The following OLFML1 variants were observed in gnomAD, a reference collection of about 807,000 sequenced individuals.
OLFML1 encodes the protein olfactomedin-like protein 1.
OLFML1 carries 33 observed loss-of-function variants against 37.3 expected under a neutral mutation model. The observed-to-expected ratio is 0.88, with a 90% CI of 0.67 to 1.18. The LOEUF (loss-of-function observed/expected upper bound fraction) is 1.18, where lower values mean the gene tolerates loss of function less well. Among genes scored for constraint, OLFML1 ranks in the 50% most tolerant of loss-of-function variants. The probability of loss-of-function intolerance (pLI) is 0.00; values close to 1 mark genes in which losing one functional copy is unlikely to be tolerated. For synonymous variants in OLFML1, 186 were observed against 181.3 expected, an observed-to-expected ratio of 1.03 and a Z score of -0.21; for missense variants, 545 against 483.7, an observed-to-expected ratio of 1.13 and a Z score of -1.19.
At chr11:7,486,324 C>T (rs1848523198) in intron 1 of OLFML1, among the ~76,000 whole-genome samples, 1 of 152,166 alleles carries the variant, frequency 6.6e-6, no homozygotes, top group Non-Finnish European at 1.5e-5. Context: ...TACTGCCTGG[C>T]ATAATGGTAT....
At chr11:7,505,792 C>T (rs1356395847) in intron 2 of OLFML1, among the ~76,000 whole-genome samples, 4 of 152,130 alleles carry the variant, frequency 2.6e-5, no homozygotes, top group African/African-American at 9.7e-5. Context: ...GATCATGCCA[C>T]TGCACTCTAG....
At chr11:7,504,302 C>T (rs533962691) in intron 2 of OLFML1, among the ~76,000 whole-genome samples, 15 of 152,058 alleles carry the variant, frequency 9.9e-5, no homozygotes, top group East Asian at 5.8e-4. Flanking sequence ...TAGAACAAAA[C>T]GAACAAGGTG....
Position 7,509,885 on chromosome 11 carries a change from G to T in OLFML1, c.906G>T (p.Leu302=). 6.2e-7 allele frequency: 1 copy of T among 1,614,236 alleles called. No homozygotes were observed. The highest frequency in any genetic ancestry group is 8.5e-7 in the Non-Finnish European group (1 of 1,180,046). The change falls in exon 3 of 3, where the codon CTG becomes CTT. Residue 302 remains leucine (L), a synonymous_variant. Coordinates refer to ENST00000329293, the MANE Select transcript of OLFML1 (RefSeq NM_198474.4). The part of the protein sequence containing the change: ...LVLTKIEPGT[L]GVEHSWDTPC... The stretch of plus-strand genomic sequence containing the variant: ...TCACAAAGATTGAGCCGGGCACACT[G>T]GGAGTGGAGCATTCATGGGATACCC...
At chr11:7,493,271 T>C (rs1051338567) in intron 2 of OLFML1, among the ~76,000 whole-genome samples, 3 of 152,236 alleles carry the variant, frequency 2.0e-5, no homozygotes, top group African/African-American at 4.8e-5. Context: ...TTGAAGCCTC[T>C]GGGATCTGTC....
At chr11:7,492,872 A>AAAT (rs1330898799) in intron 2 of OLFML1, among the ~76,000 whole-genome samples, 1 of 152,188 alleles carries the variant, frequency 6.6e-6, no homozygotes, top group African/African-American at 2.4e-5. Flanking sequence ...ACTATTATTA[A>AAAT]AATAAAATTT....
intron 2 of OLFML1, among the ~76,000 whole-genome samples, chr11:7,493,112 G>A (rs1848619242): frequency 1.3e-5 from 2 of 152,192 alleles, no homozygotes. Context: ...CATTATAGCA[G>A]ATTTTATTTT....
At chr11:7,486,099 C>A in intron 1 of OLFML1, 95 bp downstream of exon 1, 1 of 1,255,342 alleles carries the variant, frequency 8.0e-7, no homozygotes, top group Non-Finnish European at 1.1e-6. Context: ...TGTATTTTTC[C>A]CAGATAGCAA....
chr11:7,492,366 C>G (rs1401715121), intron 2 of OLFML1, among the ~76,000 whole-genome samples: 4 of 152,168 alleles, frequency 2.6e-5, no homozygotes, highest in Non-Finnish European at 5.9e-5. Context: ...TGCCAGAGGT[C>G]AGATCAGAGG....
Position 7,486,003 on chromosome 11 carries a change from A to AG in OLFML1, c.129+1dup. 6.2e-7 allele frequency: 1 copy of AG among 1,613,834 alleles called. No homozygotes were observed. The highest frequency in any genetic ancestry group is 8.5e-7 in the Non-Finnish European group (1 of 1,179,802). On this transcript the variant is annotated frameshift_variant and splice_region_variant, in exon 1 of 3. Coordinates refer to ENST00000329293, the MANE Select transcript of OLFML1 (RefSeq NM_198474.4). LOFTEE classifies it high-confidence loss of function. ...ATCTACCAGCGCTTTCGAGTCTTGG[A>AG]GGTAGGTGGCATCTGTACACCTTGG... is the stretch of plus-strand genomic sequence containing the variant.
chr11:7,487,636 AAG>A (rs763402970), intron 1 of OLFML1, among the ~76,000 whole-genome samples: 9 of 152,200 alleles, frequency 5.9e-5, no homozygotes, highest in Non-Finnish European at 1.0e-4. Context: ...TGTAAATACA[AAG>A]GTTTTTTTTT....
At chr11:7,497,539 G>A (rs916315887) in intron 2 of OLFML1, among the ~76,000 whole-genome samples, 2 of 152,110 alleles carry the variant, frequency 1.3e-5, no homozygotes, top group African/African-American at 4.8e-5. Context: ...CCCCATCGTG[G>A]AGCCAGGCTG....
chr11:7,500,226 C>T (rs1321079278), intron 2 of OLFML1, among the ~76,000 whole-genome samples: 5 of 152,192 alleles, frequency 3.3e-5, no homozygotes, highest in African/African-American at 7.2e-5. Context: ...CATTTTCTTA[C>T]GGATGAGACA....
chr11:7,485,817 T>G lies in OLFML1; in HGVS notation c.-59T>G. On this transcript the variant is annotated 5_prime_UTR_variant, in exon 1 of 3. Coordinates refer to ENST00000329293, the MANE Select transcript of OLFML1 (RefSeq NM_198474.4). ...AGCAGGAGAGCACCACCGGAGCCCT[T>G]GAGACATCCTTGAGAAGAGCCACAG... is the stretch of plus-strand genomic sequence containing the variant. 6.3e-7 allele frequency: 1 copy of G among 1,579,286 alleles called. No homozygotes were observed. Among genetic ancestry groups the G allele is most frequent in the South Asian group, 1.1e-5 (1 of 87,358 alleles).
At chr11:7,498,956 C>A (rs1043466124) in intron 2 of OLFML1, among the ~76,000 whole-genome samples, 1 of 152,286 alleles carries the variant, frequency 6.6e-6, no homozygotes, top group Non-Finnish European at 1.5e-5. Flanking sequence ...TACCTGGTTT[C>A]CCTCTGTCCT....
At chr11:7,507,759 G>C (rs1848802587) in intron 2 of OLFML1, among the ~76,000 whole-genome samples, 1 of 152,128 alleles carries the variant, frequency 6.6e-6, no homozygotes, top group African/African-American at 2.4e-5. Context: ...ATGTTGGCTA[G>C]GATGGTCTCG....
chr11:7,485,663 A>T lies in OLFML1; in HGVS notation c.-213A>T. 1.8e-6 allele frequency: 1 copy of T among 559,774 alleles called. No individual in the cohort carries two copies. Among genetic ancestry groups the T allele is most frequent in the Non-Finnish European group, 3.2e-6 (1 of 313,970 alleles). 34.7% of individuals were successfully genotyped at this position (559,774 alleles called of 1,614,324 possible). On this transcript the variant is annotated 5_prime_UTR_variant, in exon 1 of 3. Transcript: ENST00000329293. ...TCAGTCTACAAGGCCTCAGGGACCA[A>T]CTTGCCAACAGCTGGACTTGATCAC...
intron 2 of OLFML1, among the ~76,000 whole-genome samples, chr11:7,501,942 C>T (rs977513475): frequency 1.4e-4 from 21 of 151,660 alleles, no homozygotes; most frequent in Admixed American, 3.9e-4. Context: ...AGCCTAGGAG[C>T]GGGAGAGAAG....
intron 2 of OLFML1, among the ~76,000 whole-genome samples, chr11:7,492,099 G>A (rs1848605531): frequency 6.6e-6 from 1 of 152,186 alleles, no homozygotes; most frequent in Admixed American, 6.5e-5. Context: ...GAATTACACT[G>A]GGCATGTACA....
chr11:7,496,311 C>G (rs1848661942), intron 2 of OLFML1, among the ~76,000 whole-genome samples: 1 of 152,244 alleles, frequency 6.6e-6, no homozygotes, highest in Non-Finnish European at 1.5e-5. Flanking sequence ...CTGAAGCTCA[C>G]CCCTCTACTA....
Sources: gnomAD v4.1 joint callset for allele counts (sites outside exome capture counted in the v4.1 genomes callset) on GRCh38, gnomAD v4.1.1 for gene constraint, MANE v1.5 for transcripts, NCBI Gene and HGNC (gene_info 2026-07-23, HGNC 2026-07-21) for gene names.